Variants in PTBP1 observed in about 807,000 individuals in gnomAD.
PTBP1 encodes polypyrimidine tract-binding protein 1.
In PTBP1, 8 loss-of-function variants were observed where a neutral mutation model predicts 59.8. The ratio of observed to expected loss-of-function variants is 0.13; its 90% CI spans 0.08 to 0.24. The LOEUF is 0.24. PTBP1 is among the 10% of genes least tolerant of loss of function. The pLI is 1.00. For synonymous variants in PTBP1, 490 were observed against 320.7 expected, an observed-to-expected ratio of 1.53 and a Z score of -5.64; for missense variants, 686 against 767.0, an observed-to-expected ratio of 0.89 and a Z score of 1.25.
chr19:803,897 C>A, intron 3 of PTBP1, 139 bp from the exon 4 acceptor site: 2 of 1,028,128 alleles, frequency 1.9e-6, no homozygotes, highest in Non-Finnish European at 2.8e-6. Context: ...CTTGGCCTCT[C>A]GCGCTGCTGG....
intron 2 of PTBP1, among the ~76,000 whole-genome samples, chr19:800,693 CTGTT>C (rs2034294453): frequency 1.3e-5 from 2 of 152,216 alleles, no homozygotes. Flanking sequence ...GAGATAAAAC[CTGTT>C]TGTTCAGTGT....
chr19:803,364 TC>T (rs1255707981), intron 2 of PTBP1, among the ~76,000 whole-genome samples, 196 bp from the exon 3 acceptor site: 2 of 152,086 alleles, frequency 1.3e-5, no homozygotes, highest in Non-Finnish European at 2.9e-5. Flanking sequence ...AGTGTTTTGG[TC>T]GTGGAGCTGT....
chr19:803,365 C>T (rs1469514350), intron 2 of PTBP1, among the ~76,000 whole-genome samples, 196 bp from the exon 3 acceptor site: 6 of 152,172 alleles, frequency 3.9e-5, no homozygotes, highest in Non-Finnish European at 8.8e-5. Flanking sequence ...GTGTTTTGGT[C>T]GTGGAGCTGT....
chr19:811,092 G>A lies in PTBP1; in HGVS notation c.*266G>A, dbSNP rs1486442903. On this transcript the variant is annotated 3_prime_UTR_variant, in exon 15 of 15. Coordinates refer to ENST00000356948, the MANE Select transcript of PTBP1 (RefSeq NM_002819.5). ...GGCCAGACCCTCGGGGCCATGCCTT[G>A]GTGGGGCCTGTGTCGGGCGTGGGGC... The A allele has an allele frequency of 8.1e-6, 3 of 372,618 alleles. No homozygotes were observed. Among genetic ancestry groups the A allele is most frequent in the Non-Finnish European group, 9.5e-6 (2 of 209,932 alleles). 23.1% of individuals were successfully genotyped at this position (372,618 alleles called of 1,614,324 possible).
At chr19:809,814 C>T (rs552778809) in intron 13 of PTBP1, among the ~76,000 whole-genome samples, 151 of 152,264 alleles carry the variant, frequency 9.9e-4, no homozygotes, top group Middle Eastern at 6.8e-3. Context: ...GTGGGAGGTT[C>T]ACTTCGCGCT....
At chr19:800,465 G>A (rs1303714610) in intron 2 of PTBP1, among the ~76,000 whole-genome samples, 1 of 152,172 alleles carries the variant, frequency 6.6e-6, no homozygotes, top group African/African-American at 2.4e-5. Flanking sequence ...CTTAGCTGGG[G>A]TAGTTGGTTA....
intron 1 of PTBP1, among the ~76,000 whole-genome samples, chr19:799,137 C>T (rs1214695087): frequency 1.3e-5 from 2 of 152,362 alleles, no homozygotes; most frequent in South Asian, 2.1e-4. Flanking sequence ...TGTCTTGGAA[C>T]GTGTGGGGCC....
At chr19:800,942 CA>C (rs1452774398) in intron 2 of PTBP1, among the ~76,000 whole-genome samples, 1 of 152,230 alleles carries the variant, frequency 6.6e-6, no homozygotes, top group Non-Finnish European at 1.5e-5. Context: ...TGCCACAGGG[CA>C]GGGTTAGGGC....
Position 797,462 on chromosome 19 carries a change from C to CTCCACTCCG in PTBP1, c.-32_-24dup. Reference sequence around the variant, plus strand: ...GGGTCGGTTCCTGCTATTCCGGCGCCTCCACTCCGTCCCCCGCGGGTCTGC... The same window carrying CTCCACTCCG: ...GGGTCGGTTCCTGCTATTCCGGCGCCTCCACTCCGTCCACTCCGTCCCCCGCGGGTCTGC... On this transcript the variant is annotated 5_prime_UTR_variant, in exon 1 of 15. Coordinates refer to ENST00000356948, the MANE Select transcript of PTBP1 (RefSeq NM_002819.5). The CTCCACTCCG allele has an allele frequency of 6.3e-7, 1 of 1,598,948 alleles. No individual in the cohort carries two copies. Among genetic ancestry groups the CTCCACTCCG allele is most frequent in the South Asian group, 1.1e-5 (1 of 90,076 alleles).
intron 2 of PTBP1, among the ~76,000 whole-genome samples, chr19:799,761 G>C (rs962965641): frequency 6.6e-6 from 1 of 152,198 alleles, no homozygotes; most frequent in African/African-American, 2.4e-5. Flanking sequence ...GGCTGGAATC[G>C]TGCCGTTCAG....
chr19:800,166 A>G (rs1465713924), intron 2 of PTBP1, among the ~76,000 whole-genome samples: 1 of 149,824 alleles, frequency 6.7e-6, no homozygotes, highest in Admixed American at 6.7e-5. Flanking sequence ...GGTCTGGAAC[A>G]CAGGTGATGC....
chr19:798,845 G>C (rs2034198724), intron 1 of PTBP1, among the ~76,000 whole-genome samples: 1 of 152,234 alleles, frequency 6.6e-6, no homozygotes, highest in African/African-American at 2.4e-5. Flanking sequence ...GGCGGGGCTC[G>C]GGTTGATCAG....
chr19:805,785 C>T (rs2034536426), intron 9 of PTBP1: 2 of 576,076 alleles, frequency 3.5e-6, no homozygotes, highest in East Asian at 2.9e-5. Flanking sequence ...ACGGCGCCAG[C>T]CAGAAGCCGC....
At chr19:801,299 T>C in intron 2 of PTBP1, among the ~76,000 whole-genome samples, 1 of 152,214 alleles carries the variant, frequency 6.6e-6, no homozygotes, top group Non-Finnish European at 1.5e-5. Context: ...TGCTGCCCTG[T>C]GGAGCCTCGG....
intron 10 of PTBP1, 45 bp downstream of exon 10, chr19:806,601 G>T (rs781398607): frequency 6.9e-7 from 1 of 1,456,890 alleles, no homozygotes; most frequent in Non-Finnish European, 9.1e-7. Flanking sequence ...CCGGAAGAGC[G>T]AGCAGGGGAT....
Position 811,038 on chromosome 19 carries a change from A to C in PTBP1, c.*212A>C, listed in dbSNP as rs2034839988. 1 of 506,964 alleles carries C rather than the reference A, an allele frequency of 2.0e-6. No individual in the cohort carries two copies. Among genetic ancestry groups the C allele is most frequent in the South Asian group, 3.7e-5 (1 of 27,018 alleles). 31.4% of individuals were successfully genotyped at this position (506,964 alleles called of 1,614,324 possible). On this transcript the variant is annotated 3_prime_UTR_variant, in exon 15 of 15. Coordinates refer to ENST00000356948, the MANE Select transcript of PTBP1 (RefSeq NM_002819.5). ...AGCTCAGGCTCTTGGTGACTGTGGC[A>C]GCGGGAGTTCCCGGCCCTCCACACC...
chr19:800,257 T>C (rs1432744701), intron 2 of PTBP1, among the ~76,000 whole-genome samples: 1 of 152,106 alleles, frequency 6.6e-6, no homozygotes, highest in Non-Finnish European at 1.5e-5. Flanking sequence ...TTTGATGGCA[T>C]CTGGTTAGAA....
At chr19:797,613 G>C (rs1228503164) in intron 1 of PTBP1, 108 bp downstream of exon 1, 2 of 716,308 alleles carry the variant, frequency 2.8e-6, no homozygotes, top group East Asian at 4.1e-5. Flanking sequence ...TCGGGCGGGA[G>C]GGGGCGGCGG....
intron 1 of PTBP1, among the ~76,000 whole-genome samples, chr19:798,828 C>G (rs1362085941): frequency 1.3e-5 from 2 of 152,312 alleles, no homozygotes; most frequent in African/African-American, 2.4e-5. Flanking sequence ...GAGGGAGAGT[C>G]GGGTCGGGCG....
Sources: gnomAD v4.1 joint callset for allele counts (sites outside exome capture counted in the v4.1 genomes callset) on GRCh38, gnomAD v4.1.1 for gene constraint, MANE v1.5 for transcripts, NCBI Gene and HGNC (gene_info 2026-07-23, HGNC 2026-07-21) for gene names.